The following DMD variants were observed in gnomAD, a reference collection of about 807,000 sequenced individuals.
The protein encoded by DMD is dystrophin, also known as mutant dystrophin.
Under a neutral mutation model 330.1 loss-of-function variants are expected in DMD, and 63 were observed. The observed-to-expected ratio is 0.19, with a 90% CI of 0.16 to 0.24. The LOEUF (loss-of-function observed/expected upper bound fraction) is 0.24. DMD is among the 10% of genes least tolerant of loss of function. DMD has a pLI of 1.00. For synonymous variants in DMD, 1,223 were observed against 959.8 expected (o/e 1.27, Z -5.07); for missense variants, 3,344 against 2,684.1 (o/e 1.25, Z -5.43).
chrX:32,050,964 C>T (rs1603623318), intron 44 of DMD, among the ~76,000 whole-genome samples: 1 of 73,211 alleles, frequency 1.4e-5, no homozygotes, highest in East Asian at 5.0e-4. Context: ...TTGCCTCAGG[C>T]TAACTTCCTC....
chrX:31,955,600 C>T (rs780393045), intron 45 of DMD, among the ~76,000 whole-genome samples: 23 of 112,039 alleles, frequency 2.1e-4, no homozygotes, highest in Non-Finnish European at 3.4e-4. Flanking sequence ...TGAGATATTG[C>T]GACAATTAAG....
rs754871872 is a variant in DMD at position 33,024,599 on chromosome X, T to TTC, written c.32-4400_32-4399insGA. Among the ~76,000 whole-genome samples, 6 of 112,414 alleles carry TTC rather than the reference T, an allele frequency of 5.3e-5. No homozygotes were observed. In the East Asian group the frequency reaches 1.7e-3, roughly 31 times the overall value. On this transcript the variant is annotated intron_variant, in intron 1 of 78. Transcript: ENST00000357033. Reference sequence around the variant, plus strand: ...TAAAGTTATTTTTATTCAGTATATGTGGCCTTTCATATTTTTTAAGATTAG... The same window carrying TTC: ...TAAAGTTATTTTTATTCAGTATATGTTCGGCCTTTCATATTTTTTAAGATTAG...
intron 54 of DMD, among the ~76,000 whole-genome samples, chrX:31,655,078 T>G (rs1379654958): frequency 2.7e-5 from 3 of 111,808 alleles, no homozygotes; most frequent in Non-Finnish European, 5.6e-5. Flanking sequence ...ATTATAAATG[T>G]ACCCTAAACT....
chrX:31,290,427 T>C (rs1347737687), intron 62 of DMD, among the ~76,000 whole-genome samples: 8 of 111,105 alleles, frequency 7.2e-5, no homozygotes, highest in Non-Finnish European at 1.5e-4. Flanking sequence ...ATAAATACAA[T>C]TATGCAATCA....
At position 33,259,609 on chromosome X, in the gene DMD, C is replaced by CCCA. The variant is rs1491168746; in HGVS notation, c.7+79649_7+79650insTGG. Among the ~76,000 whole-genome samples the CCCA allele has an allele frequency of 8.8e-5, 5 of 56,703 alleles. 2 individuals carry two copies. Among genetic ancestry groups the CCCA allele is most frequent in the African/African-American group, 3.2e-4 (5 of 15,393 alleles). The allele number at this position is 56,703 out of a possible 115,157, so 49.2% of individuals were successfully genotyped here. A position where few individuals can be genotyped will look rare whatever the true frequency, so the allele number is the denominator to read the frequency against. ...ATATTTCAAAATCGCCCCCCCCCCCCAAAAAAAAAAAGGAAATCTGAAACA... is the reference window on the plus strand; with the variant it reads ...ATATTTCAAAATCGCCCCCCCCCCCCCCAAAAAAAAAAAAGGAAATCTGAAACA... On this transcript the variant is annotated intron_variant, in intron 1 of 17. Coordinates refer to the DMD transcript ENST00000288447.
chrX:32,987,329 G>A (rs1419494478), intron 2 of DMD, among the ~76,000 whole-genome samples: 1 of 111,088 alleles, frequency 9.0e-6, no homozygotes, highest in Non-Finnish European at 1.9e-5. Context: ...TGAGTGCTTT[G>A]CAGTCCTGGC....
At position 33,313,081 on chromosome X, in the gene DMD, G is replaced by C. The variant is rs143899056; in HGVS notation, c.7+26178C>G. On this transcript the variant is annotated intron_variant, in intron 1 of 17. Transcript: ENST00000288447. The stretch of plus-strand genomic sequence containing the variant: ...TCTCAGCTGGGAACATGTGTGGTGG[G>C]TGACTTAAATTTTTCACCACTCTAT... Among the ~76,000 whole-genome samples, 744 of 111,579 alleles carry C rather than the reference G, an allele frequency of 6.7e-3. 14 individuals are homozygous for C. Among genetic ancestry groups the C allele is most frequent in the Admixed American group, 0.05 (519 of 10,454 alleles).
At chrX:32,464,952 C>G (rs181970748) in intron 23 of DMD, among the ~76,000 whole-genome samples, 9 of 111,893 alleles carry the variant, frequency 8.0e-5, no homozygotes, top group African/African-American at 2.9e-4. Context: ...TGATGTTACT[C>G]TCGAGAACAT....
chrX:31,410,125 A>G (rs1222815559), intron 60 of DMD, among the ~76,000 whole-genome samples: 2 of 112,439 alleles, frequency 1.8e-5, no homozygotes, highest in Non-Finnish European at 3.8e-5. Flanking sequence ...CGGCCCTTAA[A>G]CCATTTTTAA....
In DMD at chrX:31,121,735, A is replaced by G; in HGVS notation, c.*184T>C. On this transcript the variant is annotated 3_prime_UTR_variant, in exon 79 of 79. Coordinates refer to ENST00000357033, the MANE Select transcript of DMD (RefSeq NM_004006.3). ...ACAGTATAATACCACTACCCTTCAC[A>G]AAAATATAGATTTATTTCTTGTAAA... is the stretch of plus-strand genomic sequence containing the variant. 1 of 683,998 alleles carries G rather than the reference A, an allele frequency of 1.5e-6. No individual in the cohort carries two copies. Among genetic ancestry groups the G allele is most frequent in the Non-Finnish European group, 2.3e-6 (1 of 432,045 alleles). The allele number at this position is 683,998 out of a possible 1,213,427, so 56.4% of individuals were successfully genotyped here.
chrX:31,519,978 T>C (rs907371114), intron 55 of DMD, among the ~76,000 whole-genome samples: 1 of 111,517 alleles, frequency 9.0e-6, no homozygotes, highest in Non-Finnish European at 1.9e-5. Flanking sequence ...TCTTATACAA[T>C]AGGGTGAACA....
intron 59 of DMD, among the ~76,000 whole-genome samples, chrX:31,449,763 GATATATATATATAT>G (rs59787771): frequency 1.6e-4 from 10 of 62,469 alleles, no homozygotes; most frequent in Non-Finnish European, 2.8e-4. Context: ...TAAATGGTGT[GATATATATATATAT>G]ATATATATAT....
At position 31,120,012 on chromosome X, in the gene DMD, G is replaced by GTTAA. The variant is rs916746384; in HGVS notation, c.*1903_*1906dup. On this transcript the variant is annotated 3_prime_UTR_variant, in exon 79 of 79. Transcript: ENST00000357033. ...AATAGCATGAGAAGCCGTGTTTGATGTTAATTAATTAATTATTAATAATGG... is the reference window on the plus strand; with the variant it reads ...AATAGCATGAGAAGCCGTGTTTGATGTTAATTAATTAATTAATTATTAATAATGG... The GTTAA allele has an allele frequency of 1.6e-4, 18 of 110,511 alleles. No individual in the cohort carries two copies. Among genetic ancestry groups the GTTAA allele is most frequent in the Middle Eastern group, 4.6e-3 (1 of 218 alleles). 9.1% of individuals were successfully genotyped at this position (110,511 alleles called of 1,213,427 possible).
rs2052724069 is a variant in DMD, at chrX:32,573,924, G to A, written c.1603-78C>T. The A allele has an allele frequency of 5.8e-6, 5 of 857,339 alleles. No homozygotes were observed. The South Asian group carries it at 1.1e-4, about 18-fold the overall frequency. The allele number at this position is 857,339 out of a possible 1,213,427, so 70.7% of individuals were successfully genotyped here. ...TTATTAAAAATGGCATGAATAATTT[G>A]CCAAAGTATCTCAGTCTCCTATGTA... is the stretch of plus-strand genomic sequence containing the variant. On this transcript the variant is annotated intron_variant, in intron 13 of 78. Coordinates refer to ENST00000357033, the MANE Select transcript of DMD (RefSeq NM_004006.3).
At chrX:31,305,985 C>CTGT (rs752976124) in intron 62 of DMD, among the ~76,000 whole-genome samples, 8 of 111,702 alleles carry the variant, frequency 7.2e-5, no homozygotes, top group African/African-American at 2.0e-4. Flanking sequence ...ATATTTTTTG[C>CTGT]TGTTGTTGTT....
chrX:33,072,373 G>C (rs1000024214), intron 1 of DMD, among the ~76,000 whole-genome samples: 1 of 111,834 alleles, frequency 8.9e-6, no homozygotes, highest in African/African-American at 3.2e-5. Flanking sequence ...AGCCACGATC[G>C]CACCACTGCA....
chrX:31,621,290 G>A (rs2078516875), intron 55 of DMD, among the ~76,000 whole-genome samples: 1 of 111,892 alleles, frequency 8.9e-6, no homozygotes, highest in South Asian at 3.8e-4. Context: ...TCACGTATCT[G>A]TTTTGTTTGT....
At chrX:33,303,664 T>C (rs775888823) in intron 1 of DMD, among the ~76,000 whole-genome samples, 1 of 111,251 alleles carries the variant, frequency 9.0e-6, no homozygotes, top group East Asian at 2.9e-4. Context: ...TAAGTTCTCA[T>C]GAGATCTGAT....
At position 32,287,648 on chromosome X, in the gene DMD, G is replaced by T; in HGVS notation, c.6171C>A (p.Ser2057Arg). 1 of 1,209,624 alleles carries T rather than the reference G, an allele frequency of 8.3e-7. No individual in the cohort carries two copies. Among genetic ancestry groups the T allele is most frequent in the Non-Finnish European group, 1.1e-6 (1 of 894,040 alleles). The change falls in exon 43 of 79, where the codon AGC (serine) becomes AGA (arginine). Residue 2057 changes from serine to arginine, a missense_variant. Ser to Arg is a moderately radical substitution (Grantham distance 110). Transcript: ENST00000357033. Reference sequence around the variant, plus strand: ...CACTTTGCAATGCTGCTGTCTTCTTGCTATGAATAATGTCAATCCGACCTG... The same window carrying T: ...CACTTTGCAATGCTGCTGTCTTCTTTCTATGAATAATGTCAATCCGACCTG... ...QSSGRIDIIHSKKTAALQSAT... is the reference protein window; with the variant it reads ...QSSGRIDIIHRKKTAALQSAT...
Sources: gnomAD v4.1 joint callset for allele counts (sites outside exome capture counted in the v4.1 genomes callset) on GRCh38, gnomAD v4.1.1 for gene constraint, MANE v1.5 for transcripts, NCBI Gene and HGNC (gene_info 2026-07-23, HGNC 2026-07-21) for gene names.